The following SH3BGR variants were observed in gnomAD, a reference collection of about 807,000 sequenced individuals.
The protein encoded by SH3BGR is SH3 domain binding glutamate rich protein.
Under a neutral mutation model 24.5 loss-of-function variants are expected in SH3BGR, and 29 were observed. That is an observed-to-expected ratio of 1.18 (90% CI 0.88 to 1.61). The LOEUF (loss-of-function observed/expected upper bound fraction) is 1.61. Among genes scored for constraint, SH3BGR ranks in the 40% most tolerant of loss-of-function variants. SH3BGR has a pLI of 0.00. For missense variants in SH3BGR, 162 were observed against 205.8 expected (o/e 0.79, Z 1.30); for synonymous variants, 55 against 65.7 (o/e 0.84, Z 0.79).
chr21:39,470,590 C>T (rs1213998829), intron 2 of SH3BGR, among the ~76,000 whole-genome samples: 1 of 152,184 alleles, frequency 6.6e-6, no homozygotes, highest in Non-Finnish European at 1.5e-5. Context: ...GGCCTTTAGA[C>T]ACTTTCACCC....
At chr21:39,505,834 C>T (rs1377824829) in intron 4 of SH3BGR, among the ~76,000 whole-genome samples, 2 of 152,162 alleles carry the variant, frequency 1.3e-5, no homozygotes, top group Non-Finnish European at 2.9e-5. Context: ...ACTTACATTC[C>T]TATAAGACTT....
rs2078696602 is a variant in SH3BGR at position 39,511,605 on chromosome 21, A to G, written c.436-75A>G. 1 of 1,502,712 alleles carries G rather than the reference A, an allele frequency of 6.7e-7. No homozygotes were observed. The highest frequency in any genetic ancestry group is 2.0e-5 in the Admixed American group (1 of 50,872). The allele number at this position is 1,502,712 out of a possible 1,614,324, so 93.1% of individuals were successfully genotyped here. A position where few individuals can be genotyped will look rare whatever the true frequency, so the allele number is the denominator to read the frequency against. On this transcript the variant is annotated intron_variant, in intron 5 of 6. Coordinates refer to ENST00000333634, the MANE Select transcript of SH3BGR (RefSeq NM_007341.3). The surrounding 1 kb of genome is among the most constrained non-coding windows in gnomAD (Gnocchi z 4.2). ...GGGAGGCTTTGACCTCTAGTCCAGC[A>G]TTTTACAGTCTTTTTCTCACTGTAT...
At chr21:39,492,728 G>A (rs1172186526) in intron 3 of SH3BGR, among the ~76,000 whole-genome samples, 1 of 152,020 alleles carries the variant, frequency 6.6e-6, no homozygotes, top group Non-Finnish European at 1.5e-5. Context: ...GTACTAGTTT[G>A]CATTTCCACC....
At chr21:39,498,771 C>T (rs2078440564) in intron 3 of SH3BGR, among the ~76,000 whole-genome samples, 1 of 152,178 alleles carries the variant, frequency 6.6e-6, no homozygotes, top group Admixed American at 6.5e-5. Flanking sequence ...TCTATCCATC[C>T]ACCTGTCCAT....
intron 1 of SH3BGR, among the ~76,000 whole-genome samples, chr21:39,458,723 T>C (rs1036807432): frequency 6.6e-6 from 1 of 151,706 alleles, no homozygotes; most frequent in Non-Finnish European, 1.5e-5. Flanking sequence ...CTGGGCTTAC[T>C]GCAACCTCTG....
At chr21:39,463,996 C>T (rs1354925074) in intron 2 of SH3BGR, among the ~76,000 whole-genome samples, 4 of 152,130 alleles carry the variant, frequency 2.6e-5, no homozygotes, top group Non-Finnish European at 5.9e-5. Context: ...AGGGAGAATT[C>T]GTTCTATGCT....
chr21:39,488,114 A>G (rs2078240137), intron 3 of SH3BGR, among the ~76,000 whole-genome samples: 1 of 152,222 alleles, frequency 6.6e-6, no homozygotes, highest in Non-Finnish European at 1.5e-5. Context: ...ATCTTGGGCT[A>G]GTAGTCTCAG....
chr21:39,479,224 G>T (rs1351921784), intron 3 of SH3BGR, among the ~76,000 whole-genome samples: 1 of 137,582 alleles, frequency 7.3e-6, no homozygotes, highest in Non-Finnish European at 1.5e-5. Flanking sequence ...GAGGTGGTAA[G>T]GGTGGTGGTG....
At chr21:39,464,639 A>T (rs1352642376) in intron 2 of SH3BGR, among the ~76,000 whole-genome samples, 1 of 152,188 alleles carries the variant, frequency 6.6e-6, no homozygotes, top group Non-Finnish European at 1.5e-5. Context: ...CAGAGGCTTA[A>T]CCAAAAGTCC....
chr21:39,493,084 GA>G (rs2078331422), intron 3 of SH3BGR, among the ~76,000 whole-genome samples: 1 of 152,174 alleles, frequency 6.6e-6, no homozygotes, highest in South Asian at 2.1e-4. Context: ...TTACTATGCT[GA>G]CTGTTCCTTT....
At chr21:39,465,276 G>C (rs2077821875) in intron 2 of SH3BGR, among the ~76,000 whole-genome samples, 1 of 152,118 alleles carries the variant, frequency 6.6e-6, no homozygotes, top group Non-Finnish European at 1.5e-5. Context: ...CTGTGATCTG[G>C]GATACCACAC....
rs547095153 is a variant in SH3BGR, at chr21:39,512,811, AAAAAC to A, written c.*34+1019_*34+1023del. 3.2e-3 allele frequency among the ~76,000 whole-genome samples: 483 copies of A among 152,198 alleles called. 3 individuals are homozygous for A. Among genetic ancestry groups the A allele is most frequent in the African/African-American group, 0.01 (429 of 41,532 alleles). The stretch of plus-strand genomic sequence containing the variant: ...TGTCTCCAAAACAAAAACAAAAACA[AAAAAC>A]AAAACAAAACAAAACAGAAGACATT... On this transcript the variant is annotated intron_variant, in intron 6 of 6. Coordinates refer to ENST00000333634, the MANE Select transcript of SH3BGR (RefSeq NM_007341.3).
chr21:39,493,827 ACCT>A lies in SH3BGR; in HGVS notation c.313-5992_313-5990del, dbSNP rs1324030584. On this transcript the variant is annotated intron_variant, in intron 3 of 6. Transcript: ENST00000333634. ...GTAATTTTCCTTGTAGAGGTCTTTC[ACCT>A]CCTTGGTTAGGTATATTCCTAAGTA... 4.6e-5 allele frequency among the ~76,000 whole-genome samples: 7 copies of A among 151,756 alleles called. No homozygotes were observed. In the East Asian group the frequency reaches 1.4e-3, roughly 29 times the overall value.
intron 4 of SH3BGR, among the ~76,000 whole-genome samples, chr21:39,507,168 A>G (rs775384944): frequency 3.3e-5 from 5 of 152,134 alleles, no homozygotes; most frequent in African/African-American, 1.2e-4. Context: ...GTGCTGAAAA[A>G]GTCCTCTTGG....
chr21:39,513,160 C>T (rs1280191308), intron 6 of SH3BGR, among the ~76,000 whole-genome samples: 1 of 152,138 alleles, frequency 6.6e-6, no homozygotes, highest in Non-Finnish European at 1.5e-5. Flanking sequence ...GTAAGAATTA[C>T]ATAATTATTT....
intron 1 of SH3BGR, among the ~76,000 whole-genome samples, chr21:39,461,328 G>C (rs1405115835): frequency 6.6e-6 from 1 of 151,984 alleles, no homozygotes; most frequent in Non-Finnish European, 1.5e-5. Context: ...GTAGAGATGG[G>C]GTTTCTCCAT....
At chr21:39,454,976 G>A (rs1039017116) in intron 1 of SH3BGR, among the ~76,000 whole-genome samples, 2 of 152,196 alleles carry the variant, frequency 1.3e-5, no homozygotes, top group Non-Finnish European at 2.9e-5. Context: ...GTTTGCAGAT[G>A]AAGAAATTGG....
upstream of SH3BGR, chr21:39,451,751 C>T (rs2077577324): frequency 1.1e-6 from 1 of 943,542 alleles, no homozygotes; most frequent in South Asian, 1.5e-5. Context: ...CTGCACAGGT[C>T]TCCGATTGGT....
At chr21:39,501,543 G>T (rs946944795) in intron 4 of SH3BGR, among the ~76,000 whole-genome samples, 8 of 152,124 alleles carry the variant, frequency 5.3e-5, no homozygotes, top group Admixed American at 2.6e-4. Flanking sequence ...TATTTTATAT[G>T]AATATATTAC....
Sources: allele counts gnomAD v4.1 joint callset (sites outside exome capture counted in the v4.1 genomes callset), GRCh38; gene constraint gnomAD v4.1.1; non-coding constraint Gnocchi (gnomAD v3.1); transcripts MANE v1.5; gene names NCBI Gene and HGNC (gene_info 2026-07-23, HGNC 2026-07-21).